Variants in HSPA9 observed in about 807,000 individuals in gnomAD.
HSPA9 encodes stress-70 protein, mitochondrial.
A neutral mutation model predicts 81.5 loss-of-function variants in HSPA9; 28 were observed. The ratio of observed to expected loss-of-function variants is 0.34; its 90% CI spans 0.25 to 0.47. The LOEUF is 0.47. Ranked by LOEUF, HSPA9 falls within the 20% of genes least tolerant of loss-of-function variation. HSPA9 has a pLI of 1.00. For missense variants in HSPA9, 678 were observed against 838.0 expected (o/e 0.81, Z 2.36); for synonymous variants, 293 against 290.4 (o/e 1.01, Z -0.09).
At position 138,570,537 on chromosome 5, in the gene HSPA9, T is replaced by A. The variant is rs141534592; in HGVS notation, c.410+423A>T. On this transcript the variant is annotated intron_variant, in intron 4 of 16. Coordinates refer to ENST00000297185, the MANE Select transcript of HSPA9 (RefSeq NM_004134.7). ...AGAGTCTCAGCAGCCCAGGCTGGAG[T>A]GCAGTGGCAGTGATCTCGGCTCACC... Among the ~76,000 whole-genome samples the A allele has an allele frequency of 1.2e-3, 189 of 152,196 alleles. 1 individual carries two copies. The highest frequency in any genetic ancestry group is 4.5e-3 in the African/African-American group (186 of 41,506).
At chr5:138,570,875 A>G in intron 4 of HSPA9, 85 bp downstream of exon 4, 1 of 1,142,888 alleles carries the variant, frequency 8.7e-7, no homozygotes, top group Non-Finnish European at 1.3e-6. Context: ...AAGGTGCTCC[A>G]GGGATCCTCA....
At chr5:138,571,826 G>GTT (rs1330482733) in intron 3 of HSPA9, among the ~76,000 whole-genome samples, 2 of 150,526 alleles carry the variant, frequency 1.3e-5, no homozygotes, top group East Asian at 2.0e-4. Flanking sequence ...GTGTGTGTGT[G>GTT]TGTGTGTGTA....
intron 3 of HSPA9, among the ~76,000 whole-genome samples, chr5:138,572,988 T>C (rs1750941813): frequency 6.6e-6 from 1 of 151,978 alleles, no homozygotes; most frequent in Non-Finnish European, 1.5e-5. Context: ...CTCCACCTCC[T>C]GGGTTCAAGC....
In HSPA9 at chr5:138,558,563, T is replaced by C. The variant is rs1464354488; in HGVS notation, c.1505A>G (p.Gln502Arg). ...TTCACAATAACCTACCAAAGTAAAC[T>C]GTCCAAGGAGTTTGTTGTCTCCAGC... is the stretch of plus-strand genomic sequence containing the variant. ...EMAGDNKLLG[Q>R]FTLIGIPPAP... Residue 502 changes from glutamine (Q) to arginine (R), a missense_variant, in exon 12 of 17, where the codon CAG becomes CGG. Transcript: ENST00000297185. The C allele has an allele frequency of 1.9e-5, 30 of 1,599,548 alleles. No homozygotes were observed. Among genetic ancestry groups the C allele is most frequent in the Non-Finnish European group, 2.6e-5 (30 of 1,166,838 alleles).
chr5:138,573,589 G>C (rs954176879), intron 3 of HSPA9, among the ~76,000 whole-genome samples, 174 bp downstream of exon 3: 4 of 139,672 alleles, frequency 2.9e-5, no homozygotes, highest in Non-Finnish European at 4.5e-5. Context: ...AGAGGTTGCA[G>C]TGAGCGGAGA....
At chr5:138,568,862 C>G in intron 5 of HSPA9, 63 bp downstream of exon 5, 1 of 1,559,026 alleles carries the variant, frequency 6.4e-7, no homozygotes, top group African/African-American at 1.4e-5. Context: ...GCACAGGGAG[C>G]TAGTGATCTC....
intron 9 of HSPA9, among the ~76,000 whole-genome samples, chr5:138,564,918 T>C (rs773954849): frequency 1.9e-4 from 29 of 152,234 alleles, no homozygotes; most frequent in Middle Eastern, 3.2e-3. Flanking sequence ...AGCAGAATGC[T>C]TGCAGAACCA....
Position 138,567,659 on chromosome 5 carries a change from G to A in HSPA9, c.599C>T (p.Ser200Leu), listed in dbSNP as rs199715716. 442 of 1,613,608 alleles carry A rather than the reference G, an allele frequency of 2.7e-4. 2 individuals carry two copies. Among genetic ancestry groups the A allele is most frequent in the Middle Eastern group, 1.7e-3 (10 of 6,060 alleles). Residue 200 changes from serine to leucine, a missense_variant, in exon 6 of 17, where the codon TCG (serine) becomes TTG (leucine). By Grantham distance (145) the Ser-to-Leu change is moderately radical. Transcript: ENST00000297185. ...GCTAATTGACCTCACCTGTCTCTGC[G>A]AGTCATTGAAATAAGCTGGGACTGT... is the stretch of plus-strand genomic sequence containing the variant. ...VITVPAYFND[S>L]QRQATKDAGQ...
At chr5:138,559,793 A>AT (rs1750613269) in intron 11 of HSPA9, 71 bp downstream of exon 11, 2 of 1,019,044 alleles carry the variant, frequency 2.0e-6, no homozygotes, top group East Asian at 4.8e-5. Context: ...AAAACTCATG[A>AT]AAGTGGCTGC....
chr5:138,557,532 G>A (rs1352333862), intron 13 of HSPA9, 36 bp from the exon 14 acceptor site: 1 of 1,307,296 alleles, frequency 7.6e-7, no homozygotes. Flanking sequence ...TAATTCCCAG[G>A]TAAAGTTATA....
At chr5:138,567,241 AC>A (rs1344154080) in intron 7 of HSPA9, 78 bp from the exon 8 acceptor site, 37 of 1,261,818 alleles carry the variant, frequency 2.9e-5, no homozygotes, top group Non-Finnish European at 4.1e-5. Flanking sequence ...AATTTCAATA[AC>A]CAAATACAGA....
chr5:138,574,196 C>T (rs1477591772), intron 1 of HSPA9, 70 bp from the exon 2 acceptor site: 5 of 1,076,792 alleles, frequency 4.6e-6, no homozygotes, highest in Non-Finnish European at 7.2e-6. Context: ...AAAACTTGGG[C>T]TCACTTAGTA....
At chr5:138,561,435 A>C (rs1289969892) in intron 10 of HSPA9, 145 bp downstream of exon 10, 3 of 711,608 alleles carry the variant, frequency 4.2e-6, no homozygotes, top group Non-Finnish European at 7.5e-6. Context: ...CAAAACAAAC[A>C]GAAAAGAATT....
Position 138,560,216 on chromosome 5 carries a change from T to G in HSPA9, c.1183-125A>C, listed in dbSNP as rs374597980. 1.1e-4 allele frequency: 81 copies of G among 729,268 alleles called. 1 individual carries two copies. In the South Asian group the frequency reaches 1.2e-3, roughly 11 times the overall value. 45.2% of individuals were successfully genotyped at this position (729,268 alleles called of 1,614,324 possible). A position where few individuals can be genotyped will look rare whatever the true frequency, so the allele number is the denominator to read the frequency against. On this transcript the variant is annotated intron_variant, in intron 10 of 16. Transcript: ENST00000297185. Reference sequence around the variant, plus strand: ...ACAGGCTAACTCAAATCTGAGAATGTTTATTCAAATAACCATTTCGTACTT... The same window carrying G: ...ACAGGCTAACTCAAATCTGAGAATGGTTATTCAAATAACCATTTCGTACTT...
chr5:138,575,158 G>C, intron 1 of HSPA9, 80 bp downstream of exon 1: 1 of 977,438 alleles, frequency 1.0e-6, no homozygotes, highest in East Asian at 2.6e-5. Context: ...AACCCTAAAG[G>C]GCGCGCGGCC....
At position 138,566,735 on chromosome 5, in the gene HSPA9, T is replaced by C. The variant is rs1435184257; in HGVS notation, c.880-17A>G. 5 of 1,576,462 alleles carry C rather than the reference T, an allele frequency of 3.2e-6. No homozygotes were observed. Among genetic ancestry groups the C allele is most frequent in the Non-Finnish European group, 4.4e-6 (5 of 1,145,962 alleles). On this transcript the variant is annotated splice_polypyrimidine_tract_variant and intron_variant, in intron 8 of 16. Transcript: ENST00000297185. ...AACCCCTGTCTATAAAGTGAAGACA[T>C]TGAACACCAAACACCAGCATTAGTG...
At chr5:138,561,897 C>T in intron 9 of HSPA9, 108 bp from the exon 10 acceptor site, 2 of 865,752 alleles carry the variant, frequency 2.3e-6, no homozygotes, top group East Asian at 4.9e-5. Context: ...ACTTGCAAAA[C>T]CAAAGGGAGG....
chr5:138,561,865 T>C (rs1580744174), intron 9 of HSPA9, 76 bp from the exon 10 acceptor site: 4 of 1,132,474 alleles, frequency 3.5e-6, no homozygotes, highest in East Asian at 4.7e-5. Context: ...AACTAAAATA[T>C]GACCATGCCC....
intron 1 of HSPA9, 186 bp downstream of exon 1, chr5:138,575,052 C>A (rs1270295080): frequency 4.9e-6 from 3 of 612,702 alleles, no homozygotes; most frequent in African/African-American, 3.7e-5. Flanking sequence ...AGGGCCCAAG[C>A]CGGAGGCAAA....
Sources: gnomAD v4.1 joint callset for allele counts (sites outside exome capture counted in the v4.1 genomes callset) on GRCh38, gnomAD v4.1.1 for gene constraint, MANE v1.5 for transcripts, NCBI Gene and HGNC (gene_info 2026-07-23, HGNC 2026-07-21) for gene names.